Variants in IFIH1 observed in about 807,000 individuals in gnomAD.
The protein encoded by IFIH1 is interferon induced with helicase C domain 1.
Under a neutral mutation model 107.4 loss-of-function variants are expected in IFIH1, and 125 were observed. That is an observed-to-expected ratio of 1.16 (90% CI 1.01 to 1.35). The LOEUF is 1.35. Ranked by LOEUF, IFIH1 falls within the 40% of genes most tolerant of loss-of-function variation. IFIH1 has a pLI of 0.00. For synonymous variants in IFIH1, 458 were observed against 413.2 expected (o/e 1.11, Z -1.31); for missense variants, 1,333 against 1,213.7 (o/e 1.10, Z -1.46).
At chr2:162,296,155 T>A (rs891452001) in intron 3 of IFIH1, among the ~76,000 whole-genome samples, 2 of 152,130 alleles carry the variant, frequency 1.3e-5, no homozygotes, top group Non-Finnish European at 2.9e-5. Flanking sequence ...TAAACCTACT[T>A]CATCTACATG....
Position 162,276,624 on chromosome 2 carries a change from G to A in IFIH1, c.2304+63C>T. 3 of 1,517,230 alleles carry A rather than the reference G, an allele frequency of 2.0e-6. No homozygotes were observed. The South Asian group carries it at 3.9e-5, about 20-fold the overall frequency. The allele number at this position is 1,517,230 out of a possible 1,614,324, so 94.0% of individuals were successfully genotyped here. On this transcript the variant is annotated intron_variant, in intron 11 of 15. Coordinates refer to ENST00000649979, the MANE Select transcript of IFIH1 (RefSeq NM_022168.4). Reference sequence around the variant, plus strand: ...CGTCTGAAAGAAAAGAAGAAGAGAAGAAGAGAAGAGAAGAAGAAAAGAGAA... The same window carrying A: ...CGTCTGAAAGAAAAGAAGAAGAGAAAAAGAGAAGAGAAGAAGAAAAGAGAA...
Position 162,268,280 on chromosome 2 carries a change from G to A in IFIH1, c.2617-3C>T, listed in dbSNP as rs1690964678. On this transcript the variant is annotated splice_polypyrimidine_tract_variant and splice_region_variant and intron_variant, in intron 13 of 15. Transcript: ENST00000649979. ...CTTTGCATCTGTAATTCCAAAATCT[G>A]GACAGAGAAAGGAATAGTTAGTGGT... 6.3e-7 allele frequency: 1 copy of A among 1,589,902 alleles called. No individual in the cohort carries two copies. Among genetic ancestry groups the A allele is most frequent in the Admixed American group, 1.7e-5 (1 of 58,908 alleles).
chr2:162,317,924 C>T lies in IFIH1; in HGVS notation c.384G>A (p.Lys128=), dbSNP rs138344310. 2.5e-6 allele frequency: 4 copies of T among 1,613,802 alleles called. No individual in the cohort carries two copies. The highest frequency in any genetic ancestry group is 3.4e-6 in the Non-Finnish European group (4 of 1,179,790). The change falls in exon 1 of 16, where the codon AAG becomes AAA. Residue 128 remains lysine (K), a synonymous_variant. Coordinates refer to ENST00000649979, the MANE Select transcript of IFIH1 (RefSeq NM_022168.4). ...LNLLQPTLVD[K]LLVRDVLDKC... is the part of the protein sequence containing the mutation. ...TATCCAAGACGTCTCTAACTAGAAG[C>T]TTGTCCACCAGAGTGGGCTGAAGGA...
chr2:162,281,257 A>G, intron 7 of IFIH1, 71 bp downstream of exon 7: 1 of 1,200,212 alleles, frequency 8.3e-7, no homozygotes, highest in East Asian at 2.4e-5. Context: ...AATCTTATTT[A>G]ATAAGACCAA....
chr2:162,293,067 C>T lies in IFIH1; in HGVS notation c.874+497G>A, dbSNP rs145729741. Among the ~76,000 whole-genome samples the T allele has an allele frequency of 1.3e-4, 20 of 151,740 alleles. No individual in the cohort carries two copies. In the East Asian group the frequency reaches 3.1e-3, roughly 24 times the overall value. On this transcript the variant is annotated intron_variant, in intron 4 of 15. Coordinates refer to ENST00000649979, the MANE Select transcript of IFIH1 (RefSeq NM_022168.4). ...CCTGGTAAAATTTTCATTTAGTGAC[C>T]GAAATATTTTGCCAACTCTACTCCT...
intron 3 of IFIH1, among the ~76,000 whole-genome samples, chr2:162,301,692 T>G (rs913884412): frequency 6.6e-6 from 1 of 152,240 alleles, no homozygotes; most frequent in Non-Finnish European, 1.5e-5. Flanking sequence ...GTAAAATATT[T>G]GCTATATAGA....
intron 13 of IFIH1, among the ~76,000 whole-genome samples, chr2:162,271,854 C>A (rs1691046801): frequency 6.6e-6 from 1 of 152,158 alleles, no homozygotes; most frequent in Non-Finnish European, 1.5e-5. Flanking sequence ...TTACCTGGCA[C>A]ACAGTAGGCG....
At chr2:162,268,371 G>T in intron 13 of IFIH1, 94 bp from the exon 14 acceptor site, 1 of 739,878 alleles carries the variant, frequency 1.4e-6, no homozygotes, top group Non-Finnish European at 2.2e-6. Flanking sequence ...GGTCTTAGTT[G>T]TGAAAATATA....
chr2:162,292,378 C>A (rs748667225), intron 4 of IFIH1, among the ~76,000 whole-genome samples: 3 of 151,788 alleles, frequency 2.0e-5, no homozygotes, highest in Non-Finnish European at 2.9e-5. Context: ...TGAATTCACC[C>A]TTTTAAATGA....
At chr2:162,277,752 G>A in intron 9 of IFIH1, 59 bp from the exon 10 acceptor site, 1 of 1,526,558 alleles carries the variant, frequency 6.6e-7, no homozygotes, top group Non-Finnish European at 8.8e-7. Context: ...CTAAAATTGT[G>A]CCATGGACTT....
intron 6 of IFIH1, 115 bp downstream of exon 6, chr2:162,282,251 C>T (rs1682822704): frequency 1.5e-6 from 1 of 648,080 alleles, no homozygotes; most frequent in Non-Finnish European, 2.5e-6. Context: ...TTAATAAAAC[C>T]ATAAGCAATA....
chr2:162,276,780 C>T lies in IFIH1; in HGVS notation c.2211G>A (p.Trp737Ter). Reference protein sequence around the residue: ...TRQSAYALSQWITENEKFAEV... With the variant: ...TRQSAYALSQ ...CAGCAAATTTTTCATTTTCAGTAAT[C>T]CACTGGGAAAGCGCATATGCACTCT... The change falls in exon 11 of 16, where the codon TGG (tryptophan) becomes TGA (stop). Residue 737 changes from tryptophan to a stop codon, truncating the protein, a stop_gained. Transcript: ENST00000649979. LOFTEE classifies it high-confidence loss of function. 2 of 1,613,980 alleles carry T rather than the reference C, an allele frequency of 1.2e-6. No homozygotes were observed. Among genetic ancestry groups the T allele is most frequent in the Non-Finnish European group, 1.7e-6 (2 of 1,179,936 alleles).
At chr2:162,300,875 T>C (rs72871633) in intron 3 of IFIH1, among the ~76,000 whole-genome samples, 1,524 of 152,284 alleles carry the variant, frequency 0.01, 9 homozygotes, top group Admixed American at 0.014. Context: ...TACAGAACAT[T>C]ATTCTGGTCC....
chr2:162,290,482 C>T (rs1470059041), intron 4 of IFIH1, among the ~76,000 whole-genome samples: 2 of 151,804 alleles, frequency 1.3e-5, no homozygotes, highest in Non-Finnish European at 2.9e-5. Flanking sequence ...ATTGTGTTTA[C>T]AATTTAACTT....
At chr2:162,309,230 C>T (rs949349380) in intron 2 of IFIH1, among the ~76,000 whole-genome samples, 1 of 152,192 alleles carries the variant, frequency 6.6e-6, no homozygotes, top group Non-Finnish European at 1.5e-5. Context: ...TAGGGCTCTG[C>T]AAGACAGCCT....
intron 1 of IFIH1, among the ~76,000 whole-genome samples, chr2:162,316,360 T>G (rs1683488431): frequency 6.6e-6 from 1 of 152,204 alleles, no homozygotes. Flanking sequence ...GCCACAGTGA[T>G]GTACACATTT....
At chr2:162,288,496 A>G in intron 4 of IFIH1, 141 bp from the exon 5 acceptor site, 1 of 627,958 alleles carries the variant, frequency 1.6e-6, no homozygotes, top group African/African-American at 1.8e-5. Flanking sequence ...TCTTTTCTGT[A>G]CCAATTAATG....
At chr2:162,290,453 C>T (rs1009852134) in intron 4 of IFIH1, among the ~76,000 whole-genome samples, 1 of 151,676 alleles carries the variant, frequency 6.6e-6, no homozygotes, top group Non-Finnish European at 1.5e-5. Context: ...TTAAGAAGAG[C>T]GAGAATGTTA....
At chr2:162,283,406 T>C (rs1682844548) in intron 5 of IFIH1, among the ~76,000 whole-genome samples, 1 of 151,938 alleles carries the variant, frequency 6.6e-6, no homozygotes, top group Admixed American at 6.6e-5. Context: ...GTAGCTGGGT[T>C]GACACCTCAA....
Sources: allele counts gnomAD v4.1 joint callset (sites outside exome capture counted in the v4.1 genomes callset), GRCh38; gene constraint gnomAD v4.1.1; transcripts MANE v1.5; gene names NCBI Gene and HGNC (gene_info 2026-07-23, HGNC 2026-07-21).